ITM2C: variants seen among roughly 807,000 people sequenced by gnomAD.
ITM2C encodes the protein integral membrane protein 2C.
Under a neutral mutation model 30.0 loss-of-function variants are expected in ITM2C, and 20 were observed. That is an observed-to-expected ratio of 0.67 (90% CI 0.47 to 0.97). The LOEUF (loss-of-function observed/expected upper bound fraction) is 0.97. Among genes scored for constraint, ITM2C ranks in the 50% least tolerant of loss-of-function variants. ITM2C has a pLI of 0.00. For synonymous variants in ITM2C, 167 were observed against 156.4 expected, an observed-to-expected ratio of 1.07 and a Z score of -0.51; for missense variants, 366 against 371.9, an observed-to-expected ratio of 0.98 and a Z score of 0.13.
At position 230,877,269 on chromosome 2, in the gene ITM2C, G is replaced by A; in HGVS notation, c.562-131G>A. 1.3e-5 allele frequency: 11 copies of A among 870,916 alleles called. No individual in the cohort carries two copies. The South Asian group carries it at 1.5e-4, about 12-fold the overall frequency. The allele number at this position is 870,916 out of a possible 1,614,324, so 53.9% of individuals were successfully genotyped here. ...AGGTGCAGGCACCGGGCACAGGCAG[G>A]AAGTGCCTGAGGACATCAGAAGGGC... On this transcript the variant is annotated intron_variant, in intron 4 of 5. Transcript: ENST00000326427. The surrounding 1 kb of genome is among the most constrained non-coding windows in gnomAD (Gnocchi z 4.8).
chr2:230,870,890 G>A (rs1375238271), intron 1 of ITM2C, among the ~76,000 whole-genome samples: 1 of 149,368 alleles, frequency 6.7e-6, no homozygotes, highest in African/African-American at 2.5e-5. Flanking sequence ...TCCCTTTTCT[G>A]TCTTTCTGGT....
chr2:230,876,886 G>A lies in ITM2C; in HGVS notation c.480G>A (p.Leu160=). 1 of 1,613,862 alleles carries A rather than the reference G, an allele frequency of 6.2e-7. No individual in the cohort carries two copies. The change falls in exon 4 of 6, where the codon CTG becomes CTA. Residue 160 remains leucine, a synonymous_variant. Coordinates refer to ENST00000326427, the MANE Select transcript of ITM2C (RefSeq NM_030926.6). ...RGLTAYHDIS[L]DKCYVIELNT... ...TGACTGCGTACCATGATATCTCCCT[G>A]GACAAGTGCTATGTCATCGAACTCA... is the stretch of plus-strand genomic sequence containing the variant.
rs373329892 is a variant in ITM2C, at chr2:230,877,579, C to T, written c.712+29C>T. On this transcript the variant is annotated intron_variant, in intron 5 of 5. Coordinates refer to ENST00000326427, the MANE Select transcript of ITM2C (RefSeq NM_030926.6). This position sits in a 1 kb window ranked among gnomAD's most constrained non-coding sequence, Gnocchi z 4.8. ...AGTGGCTGGCTTCACCCACAGTAGC[C>T]CCTGTCCCGTGCCCCAGACCACAGT... The T allele has an allele frequency of 1.9e-6, 3 of 1,611,182 alleles. No homozygotes were observed. In the African/African-American group the frequency reaches 4.0e-5, roughly 22 times the overall value.
intron 1 of ITM2C, among the ~76,000 whole-genome samples, chr2:230,871,518 C>G (rs902750941): frequency 1.3e-5 from 2 of 152,252 alleles, no homozygotes; most frequent in African/African-American, 4.8e-5. Context: ...ATGCCCGTCA[C>G]TTGCTGGTGA....
intron 1 of ITM2C, among the ~76,000 whole-genome samples, chr2:230,868,425 G>A (rs1697084115): frequency 6.6e-6 from 1 of 150,996 alleles, no homozygotes; most frequent in Non-Finnish European, 1.5e-5. Flanking sequence ...GCCCCTCTTA[G>A]CCTGCCCCTT....
chr2:230,878,435 C>A lies in ITM2C; in HGVS notation c.*336C>A, dbSNP rs1047936481. The A allele has an allele frequency of 5.0e-5, 9 of 179,902 alleles. No individual in the cohort carries two copies. The highest frequency in any genetic ancestry group is 7.1e-5 in the African/African-American group (3 of 42,214). 11.1% of individuals were successfully genotyped at this position (179,902 alleles called of 1,614,324 possible). On this transcript the variant is annotated 3_prime_UTR_variant, in exon 6 of 6. Transcript: ENST00000326427. This position sits in a 1 kb window ranked among gnomAD's most constrained non-coding sequence, Gnocchi z 4.5. ...GGAAGGACCGGTTGGGGGAGCCGGG[C>A]ATGTGAGGCCCTGGGCAAGGGGATG...
chr2:230,875,577 A>T, intron 2 of ITM2C, 43 bp from the exon 3 acceptor site: 1 of 1,548,396 alleles, frequency 6.5e-7, no homozygotes, highest in East Asian at 2.3e-5. Flanking sequence ...TGCGTGTATG[A>T]CCAGCCTCTC....
At chr2:230,869,512 C>G (rs1178575245) in intron 1 of ITM2C, among the ~76,000 whole-genome samples, 1 of 152,176 alleles carries the variant, frequency 6.6e-6, no homozygotes, top group East Asian at 1.9e-4. Flanking sequence ...TGCTGAGGAC[C>G]AGGAGAGATG....
intron 1 of ITM2C, among the ~76,000 whole-genome samples, chr2:230,870,876 T>G (rs1697148620): frequency 6.6e-6 from 1 of 152,070 alleles, no homozygotes; most frequent in African/African-American, 2.4e-5. Flanking sequence ...GACTTTTTTT[T>G]TTTTCCCTTT....
In ITM2C at chr2:230,870,989, A is replaced by G. The variant is rs73096768; in HGVS notation, c.121-2428A>G. Among the ~76,000 whole-genome samples, 1,359 of 152,314 alleles carry G rather than the reference A, an allele frequency of 8.9e-3. 26 individuals are homozygous for G. The highest frequency in any genetic ancestry group is 0.031 in the African/African-American group (1,289 of 41,562). On this transcript the variant is annotated intron_variant, in intron 1 of 5. Transcript: ENST00000326427. ...CAATGCAGCCTCAACAGCTGTCCAC[A>G]GAGTCAGCCCTAAAAAGGAAAGGCT...
chr2:230,866,018 G>C (rs933666488), intron 1 of ITM2C, among the ~76,000 whole-genome samples: 1 of 145,768 alleles, frequency 6.9e-6, no homozygotes, highest in Non-Finnish European at 1.5e-5. Context: ...TCTGGCCGGG[G>C]GGGAGAGAAG....
At chr2:230,876,723 G>A (rs541222662) in intron 3 of ITM2C, 134 bp from the exon 4 acceptor site, 36 of 601,266 alleles carry the variant, frequency 6.0e-5, no homozygotes, top group African/African-American at 2.7e-4. Flanking sequence ...CCTTTGATCC[G>A]CCCGCCTCAG....
Position 230,877,636 on chromosome 2 carries a change from C to A in ITM2C, c.712+86C>A. ...CACGCCTAGCCCAGCTGTCAGAGAG[C>A]TCAGATAGCAGCAGCAATAACAGCT... On this transcript the variant is annotated intron_variant, in intron 5 of 5. Coordinates refer to ENST00000326427, the MANE Select transcript of ITM2C (RefSeq NM_030926.6). This position sits in a 1 kb window ranked among gnomAD's most constrained non-coding sequence, Gnocchi z 4.8. The A allele has an allele frequency of 7.0e-7, 1 of 1,434,642 alleles. No individual in the cohort carries two copies. The highest frequency in any genetic ancestry group is 9.7e-7 in the Non-Finnish European group (1 of 1,035,434). The allele number at this position is 1,434,642 out of a possible 1,614,324, so 88.9% of individuals were successfully genotyped here. A position where few individuals can be genotyped will look rare whatever the true frequency, so the allele number is the denominator to read the frequency against.
upstream of ITM2C, among the ~76,000 whole-genome samples, chr2:230,864,362 T>C (rs527739666): frequency 2.0e-5 from 3 of 152,028 alleles, no homozygotes; most frequent in Non-Finnish European, 2.9e-5. The surrounding 1 kb of genome is among the most constrained non-coding windows in gnomAD (Gnocchi z 4.3). Flanking sequence ...GAATAAAGAA[T>C]GAAGGCAGAA....
In ITM2C at chr2:230,865,960, C is replaced by T. The variant is rs1232423059; in HGVS notation, c.120+815C>T. 6.6e-6 allele frequency among the ~76,000 whole-genome samples: 1 copy of T among 152,234 alleles called. No individual in the cohort carries two copies. Among genetic ancestry groups the T allele is most frequent in the African/African-American group, 2.4e-5 (1 of 41,478 alleles). The stretch of plus-strand genomic sequence containing the variant: ...GGTCCCCGGGCTCTGTGCGCGTTCC[C>T]CCACCCCTGTCATCCCCCTCCCCTA... On this transcript the variant is annotated intron_variant, in intron 1 of 5. Coordinates refer to ENST00000326427, the MANE Select transcript of ITM2C (RefSeq NM_030926.6). This position sits in a 1 kb window ranked among gnomAD's most constrained non-coding sequence, Gnocchi z 6.8.
chr2:230,877,334 T>C lies in ITM2C; in HGVS notation c.562-66T>C. 1 of 1,555,758 alleles carries C rather than the reference T, an allele frequency of 6.4e-7. No homozygotes were observed. Among genetic ancestry groups the C allele is most frequent in the Non-Finnish European group, 8.8e-7 (1 of 1,137,536 alleles). Reference sequence around the variant, plus strand: ...CTGGAGGAGGGAGGTGGGCTGGCATTTCGGGCGAGGGGTTGGACGAAAGCC... The same window carrying C: ...CTGGAGGAGGGAGGTGGGCTGGCATCTCGGGCGAGGGGTTGGACGAAAGCC... On this transcript the variant is annotated intron_variant, in intron 4 of 5. Transcript: ENST00000326427. This position sits in a 1 kb window ranked among gnomAD's most constrained non-coding sequence, Gnocchi z 4.8.
Position 230,877,158 on chromosome 2 carries a change from G to A in ITM2C, c.561+191G>A, listed in dbSNP as rs549011092. On this transcript the variant is annotated intron_variant, in intron 4 of 5. Transcript: ENST00000326427. The surrounding 1 kb of genome is among the most constrained non-coding windows in gnomAD (Gnocchi z 4.8). ...ATCCCCCTGCTTCCACATCTCCAGAGTCAATGCCCCGAGACCGGCTTCCTT... is the reference window on the plus strand; with the variant it reads ...ATCCCCCTGCTTCCACATCTCCAGAATCAATGCCCCGAGACCGGCTTCCTT... Among the ~76,000 whole-genome samples, 93 of 152,308 alleles carry A rather than the reference G, an allele frequency of 6.1e-4. No homozygotes were observed. The highest frequency in any genetic ancestry group is 2.0e-3 in the African/African-American group (83 of 41,540).
In ITM2C at chr2:230,877,931, G is replaced by C; in HGVS notation, c.713-77G>C. 10 of 1,168,970 alleles carry C rather than the reference G, an allele frequency of 8.6e-6. No homozygotes were observed. Among genetic ancestry groups the C allele is most frequent in the Non-Finnish European group, 1.3e-5 (10 of 786,896 alleles). 72.4% of individuals were successfully genotyped at this position (1,168,970 alleles called of 1,614,324 possible). A position where few individuals can be genotyped will look rare whatever the true frequency, so the allele number is the denominator to read the frequency against. The stretch of plus-strand genomic sequence containing the variant: ...TGGTGTCACTTCCTGGCCCTCCTGT[G>C]GCTCAGGCTGAGGCTGGTGGTCTTT... On this transcript the variant is annotated intron_variant, in intron 5 of 5. Coordinates refer to ENST00000326427, the MANE Select transcript of ITM2C (RefSeq NM_030926.6). The surrounding 1 kb of genome is among the most constrained non-coding windows in gnomAD (Gnocchi z 4.8).
upstream of ITM2C, chr2:230,864,890 G>A (rs1696983523): frequency 9.1e-7 from 1 of 1,095,370 alleles, no homozygotes; most frequent in Admixed American, 4.3e-5. This position sits in a 1 kb window ranked among gnomAD's most constrained non-coding sequence, Gnocchi z 4.3. Flanking sequence ...GGGCGGGGAG[G>A]GCTGGGGGTG....
Sources: allele counts gnomAD v4.1 joint callset (sites outside exome capture counted in the v4.1 genomes callset), GRCh38; gene constraint gnomAD v4.1.1; non-coding constraint Gnocchi (gnomAD v3.1); transcripts MANE v1.5; gene names NCBI Gene and HGNC (gene_info 2026-07-23, HGNC 2026-07-21).